The following METTL2B variants were observed in gnomAD, a reference collection of about 807,000 sequenced individuals.
METTL2B encodes methyltransferase 2B, tRNA N3-cytidine.
In METTL2B, 28 loss-of-function variants were observed where a neutral mutation model predicts 51.0. The ratio of observed to expected loss-of-function variants is 0.55; its 90% CI spans 0.41 to 0.75. The LOEUF (loss-of-function observed/expected upper bound fraction) is 0.75. Ranked by LOEUF, METTL2B falls within the 30% of genes least tolerant of loss-of-function variation. METTL2B has a pLI of 0.00. For missense variants in METTL2B, 313 were observed against 460.7 expected (o/e 0.68, Z 2.93); for synonymous variants, 128 against 166.3 (o/e 0.77, Z 1.77).
At chr7:128,495,214 C>T (rs1388710255) in intron 6 of METTL2B, among the ~76,000 whole-genome samples, 2 of 152,182 alleles carry the variant, frequency 1.3e-5, no homozygotes, top group East Asian at 3.9e-4. Flanking sequence ...AGCCACCACG[C>T]CCAGCCTATT....
At position 128,504,350 on chromosome 7, in the gene METTL2B, C is replaced by CT. The variant is rs66738177; in HGVS notation, c.*2453dup. On this transcript the variant is annotated 3_prime_UTR_variant, in exon 9 of 9. Transcript: ENST00000262432. ...GCTGGGTAATGTAGCAAGACCCTGACTTTTTTTTTTTTTTTTTTTGAGATG... is the reference window on the plus strand; with the variant it reads ...GCTGGGTAATGTAGCAAGACCCTGACTTTTTTTTTTTTTTTTTTTTGAGATG... 0.011 allele frequency: 1,202 copies of CT among 108,416 alleles called. 53 individuals carry two copies. In the East Asian group the frequency reaches 0.12, roughly 11 times the overall value. The allele number at this position is 108,416 out of a possible 1,614,324, so 6.7% of individuals were successfully genotyped here.
At chr7:128,479,710 A>C (rs1354090027) in intron 3 of METTL2B, among the ~76,000 whole-genome samples, 197 bp downstream of exon 3, 1 of 152,266 alleles carries the variant, frequency 6.6e-6, no homozygotes, top group Non-Finnish European at 1.5e-5. Flanking sequence ...TCTGGTGGTC[A>C]TCACAGACAA....
At chr7:128,495,182 A>G (rs1792902775) in intron 6 of METTL2B, among the ~76,000 whole-genome samples, 2 of 151,964 alleles carry the variant, frequency 1.3e-5, no homozygotes, top group Non-Finnish European at 1.5e-5. Context: ...CGGCCTCCCA[A>G]AGTGCTGGGA....
At position 128,504,516 on chromosome 7, in the gene METTL2B, C is replaced by G. The variant is rs1442732741; in HGVS notation, c.*2600C>G. The G allele has an allele frequency of 6.6e-6, 1 of 151,566 alleles. No individual in the cohort carries two copies. Among genetic ancestry groups the G allele is most frequent in the Non-Finnish European group, 1.5e-5 (1 of 67,900 alleles). 9.4% of individuals were successfully genotyped at this position (151,566 alleles called of 1,614,324 possible). A position where few individuals can be genotyped will look rare whatever the true frequency, so the allele number is the denominator to read the frequency against. ...TACAGGCATGCAGCACCATTCCCAG[C>G]TAAATTTTTTGTATTTTTAGTAGAG... On this transcript the variant is annotated 3_prime_UTR_variant, in exon 9 of 9. Coordinates refer to ENST00000262432, the MANE Select transcript of METTL2B (RefSeq NM_018396.3).
chr7:128,502,006 GT>G lies in METTL2B; in HGVS notation c.*91del, dbSNP rs1282985840. 1.3e-5 allele frequency: 20 copies of G among 1,546,854 alleles called. No individual in the cohort carries two copies. In the Middle Eastern group the frequency reaches 5.2e-4, roughly 40 times the overall value. ...GTAGCACCGGGCATGGTGCATGCCT[GT>G]AATCCCAGCCACTCAGGAGGCTGAG... is the stretch of plus-strand genomic sequence containing the variant. On this transcript the variant is annotated 3_prime_UTR_variant, in exon 9 of 9. Transcript: ENST00000262432.
chr7:128,501,997 T>C lies in METTL2B; in HGVS notation c.*81T>C. 1 of 1,572,808 alleles carries C rather than the reference T, an allele frequency of 6.4e-7. No individual in the cohort carries two copies. The highest frequency in any genetic ancestry group is 8.6e-7 in the Non-Finnish European group (1 of 1,156,284). Reference sequence around the variant, plus strand: ...AAAAAATTTGTAGCACCGGGCATGGTGCATGCCTGTAATCCCAGCCACTCA... The same window carrying C: ...AAAAAATTTGTAGCACCGGGCATGGCGCATGCCTGTAATCCCAGCCACTCA... On this transcript the variant is annotated 3_prime_UTR_variant, in exon 9 of 9. Transcript: ENST00000262432.
At chr7:128,493,975 C>G (rs779155619) in intron 6 of METTL2B, 32 bp downstream of exon 6, 29 of 1,588,994 alleles carry the variant, frequency 1.8e-5, no homozygotes, top group Non-Finnish European at 2.5e-5. Flanking sequence ...GGTAGTGTCA[C>G]AAAAAGAAAG....
chr7:128,498,979 A>G (rs1272377137), intron 7 of METTL2B, among the ~76,000 whole-genome samples: 2 of 151,146 alleles, frequency 1.3e-5, no homozygotes, highest in Non-Finnish European at 3.0e-5. Flanking sequence ...CCTGGGCAAC[A>G]AGAGTGAAAC....
intron 5 of METTL2B, among the ~76,000 whole-genome samples, chr7:128,490,593 T>C (rs980257278): frequency 1.3e-5 from 2 of 152,182 alleles, no homozygotes; most frequent in African/African-American, 2.4e-5. Flanking sequence ...ATTTGTTTTT[T>C]CCCTCTTTGC....
rs1209309298 is a variant in METTL2B, at chr7:128,505,759, G to A, written c.*3843G>A. ...TTCTACACTGATTGGTTGGTATTTT[G>A]TACAGAAAAGCTTTCTCATATCTGA... is the stretch of plus-strand genomic sequence containing the variant. On this transcript the variant is annotated 3_prime_UTR_variant, in exon 9 of 9. Transcript: ENST00000262432. 1 of 152,038 alleles carries A rather than the reference G, an allele frequency of 6.6e-6. No homozygotes were observed. Among genetic ancestry groups the A allele is most frequent in the African/African-American group, 2.4e-5 (1 of 41,390 alleles). The allele number at this position is 152,038 out of a possible 1,614,324, so 9.4% of individuals were successfully genotyped here.
chr7:128,481,715 A>ACACT (rs1799875212), intron 4 of METTL2B, among the ~76,000 whole-genome samples: 1 of 152,162 alleles, frequency 6.6e-6, no homozygotes, highest in African/African-American at 2.4e-5. Context: ...TGCCCATAGC[A>ACACT]CACTGCAGGC....
intron 6 of METTL2B, among the ~76,000 whole-genome samples, chr7:128,497,713 C>T (rs905657636): frequency 2.6e-5 from 4 of 151,480 alleles, no homozygotes; most frequent in African/African-American, 9.7e-5. Context: ...AAACTCCTGA[C>T]CTCATTTGAT....
chr7:128,487,267 C>T (rs1792735913), intron 4 of METTL2B, among the ~76,000 whole-genome samples: 1 of 152,186 alleles, frequency 6.6e-6, no homozygotes, highest in African/African-American at 2.4e-5. Context: ...GGAGGTATTG[C>T]ATACTCCCAA....
chr7:128,500,174 C>T (rs1187342643), intron 7 of METTL2B, among the ~76,000 whole-genome samples: 1 of 152,144 alleles, frequency 6.6e-6, no homozygotes, highest in African/African-American at 2.4e-5. Context: ...GGGAGGTTAG[C>T]AGCAGAAGGG....
At chr7:128,484,231 T>TTTTTTTTG (rs1792652251) in intron 4 of METTL2B, 2 of 108,804 alleles carry the variant, frequency 1.8e-5, no homozygotes, top group Admixed American at 9.5e-5. Context: ...TTTTTTTTTT[T>TTTTTTTTG]TTTTTTTTTT....
intron 3 of METTL2B, among the ~76,000 whole-genome samples, chr7:128,480,389 A>G (rs1799858615): frequency 6.6e-6 from 1 of 152,248 alleles, no homozygotes; most frequent in Non-Finnish European, 1.5e-5. Context: ...CTAGAACTCA[A>G]AAGATAAAAG....
intron 5 of METTL2B, among the ~76,000 whole-genome samples, chr7:128,489,435 CAAAAAA>C (rs111503975): frequency 7.0e-6 from 1 of 141,954 alleles, no homozygotes; most frequent in African/African-American, 2.6e-5. Flanking sequence ...GACTCCATCT[CAAAAAA>C]AAAAAAGGGA....
Position 128,502,058 on chromosome 7 carries a change from A to C in METTL2B, c.*142A>C. On this transcript the variant is annotated 3_prime_UTR_variant, in exon 9 of 9. Transcript: ENST00000262432. ...GCAGGGAGGATCCATTGAGCCCAGGAGTCCAGCCTGGGCAAAATAGCGAGA... is the reference window on the plus strand; with the variant it reads ...GCAGGGAGGATCCATTGAGCCCAGGCGTCCAGCCTGGGCAAAATAGCGAGA... 1 of 1,242,534 alleles carries C rather than the reference A, an allele frequency of 8.0e-7. No individual in the cohort carries two copies. The highest frequency in any genetic ancestry group is 1.1e-6 in the Non-Finnish European group (1 of 904,012). The allele number at this position is 1,242,534 out of a possible 1,614,324, so 77.0% of individuals were successfully genotyped here. A position where few individuals can be genotyped will look rare whatever the true frequency, so the allele number is the denominator to read the frequency against.
intron 4 of METTL2B, among the ~76,000 whole-genome samples, chr7:128,481,639 T>G (rs1358255572): frequency 6.6e-6 from 1 of 152,168 alleles, no homozygotes; most frequent in East Asian, 1.9e-4. Flanking sequence ...TGGAAGCTCA[T>G]CAAGGGTTTT....
Sources: gnomAD v4.1 joint callset for allele counts (sites outside exome capture counted in the v4.1 genomes callset) on GRCh38, gnomAD v4.1.1 for gene constraint, MANE v1.5 for transcripts, NCBI Gene and HGNC (gene_info 2026-07-23, HGNC 2026-07-21) for gene names.